The following RAD51B variants were observed in gnomAD, a reference collection of about 807,000 sequenced individuals.
The protein encoded by RAD51B is DNA repair protein RAD51 homolog 2.
A neutral mutation model predicts 42.2 loss-of-function variants in RAD51B; 38 were observed. The observed-to-expected ratio is 0.90, with a 90% CI of 0.70 to 1.18. RAD51B has a LOEUF of 1.18. Among genes scored for constraint, RAD51B ranks in the 50% most tolerant of loss-of-function variants. The probability of loss-of-function intolerance (pLI) is 0.00; values close to 1 mark genes in which losing one functional copy is unlikely to be tolerated. For synonymous variants in RAD51B, 154 were observed against 145.2 expected, an observed-to-expected ratio of 1.06 and a Z score of -0.43; for missense variants, 373 against 400.7, an observed-to-expected ratio of 0.93 and a Z score of 0.59.
At chr14:68,311,456 C>T (rs1488514046) in intron 8 of RAD51B, among the ~76,000 whole-genome samples, 5 of 152,170 alleles carry the variant, frequency 3.3e-5, no homozygotes. Context: ...GTATCCTGTT[C>T]CTATTGCAAT....
intron 10 of RAD51B, among the ~76,000 whole-genome samples, chr14:68,505,079 G>A (rs1885210601): frequency 6.6e-6 from 1 of 152,192 alleles, no homozygotes; most frequent in African/African-American, 2.4e-5. Flanking sequence ...TGGGTACGAA[G>A]TTTGACAATT....
At chr14:67,921,106 T>G (rs2044308004) in intron 7 of RAD51B, among the ~76,000 whole-genome samples, 1 of 152,220 alleles carries the variant, frequency 6.6e-6, no homozygotes, top group Non-Finnish European at 1.5e-5. Context: ...TATGAATCAC[T>G]GAGAAAGTTT....
intron 7 of RAD51B, among the ~76,000 whole-genome samples, chr14:68,255,852 T>G (rs1160616422): frequency 6.6e-6 from 1 of 152,202 alleles, no homozygotes; most frequent in Non-Finnish European, 1.5e-5. Flanking sequence ...ACAGCTAATA[T>G]AAGCTGAAAA....
chr14:68,313,405 G>A (rs1299782345), intron 8 of RAD51B, among the ~76,000 whole-genome samples: 4 of 152,132 alleles, frequency 2.6e-5, no homozygotes, highest in Admixed American at 2.0e-4. Flanking sequence ...TGTTTTTAAC[G>A]GCATTTCTGT....
rs35580395 is a variant in RAD51B at position 67,941,267 on chromosome 14, C to G, written c.756+54063C>G. On this transcript the variant is annotated intron_variant, in intron 7 of 10. Transcript: ENST00000471583. ...CTTGAGAATACCCTTCTGATCCCAG[C>G]AGAGTTTGTTTTTGAGGTGGTGAAC... Among the ~76,000 whole-genome samples, 1,347 of 152,272 alleles carry G rather than the reference C, an allele frequency of 8.8e-3. 21 individuals carry two copies. Among genetic ancestry groups the G allele is most frequent in the African/African-American group, 0.031 (1,268 of 41,556 alleles).
intron 7 of RAD51B, among the ~76,000 whole-genome samples, chr14:67,953,854 A>C (rs1276527739): frequency 6.6e-6 from 1 of 152,136 alleles, no homozygotes; most frequent in African/African-American, 2.4e-5. Flanking sequence ...AAGATGTATT[A>C]AGTGTTTGAG....
chr14:68,535,633 G>A (rs773047307), intron 10 of RAD51B, among the ~76,000 whole-genome samples: 21 of 152,150 alleles, frequency 1.4e-4, no homozygotes, highest in Non-Finnish European at 2.8e-4. Context: ...AGCGCCCTCC[G>A]AAGTGCTAGG....
chr14:68,101,584 C>T (rs1379355808), intron 7 of RAD51B, among the ~76,000 whole-genome samples: 1 of 152,190 alleles, frequency 6.6e-6, no homozygotes, highest in East Asian at 1.9e-4. Context: ...CCTTTGACTC[C>T]GTGTCTCATG....
At chr14:68,463,455 T>C (rs1442618135) in intron 9 of RAD51B, among the ~76,000 whole-genome samples, 3 of 152,108 alleles carry the variant, frequency 2.0e-5, no homozygotes, top group Non-Finnish European at 4.4e-5. Context: ...GTTAGAAAAC[T>C]CATAGTGAAA....
chr14:67,902,506 G>T (rs2043645688), intron 7 of RAD51B, among the ~76,000 whole-genome samples: 1 of 152,104 alleles, frequency 6.6e-6, no homozygotes, highest in African/African-American at 2.4e-5. Flanking sequence ...AAAAGTTTTG[G>T]AATGTTTTTT....
intron 5 of RAD51B, among the ~76,000 whole-genome samples, chr14:67,883,532 A>T (rs1281378199): frequency 6.6e-6 from 1 of 152,036 alleles, no homozygotes; most frequent in Non-Finnish European, 1.5e-5. Flanking sequence ...GTGCTGTTTC[A>T]CTGGGTATCC....
Position 68,352,058 on chromosome 14 carries a change from G to A in RAD51B, c.854-59366G>A, listed in dbSNP as rs919446320. On this transcript the variant is annotated intron_variant, in intron 8 of 10. Coordinates refer to ENST00000471583, the MANE Select transcript of RAD51B (RefSeq NM_133510.4). ...GTTTGATGCACCTTTGAGATACTAAGGAGACATACCAGGAAGATATAGGTG... is the reference window on the plus strand; with the variant it reads ...GTTTGATGCACCTTTGAGATACTAAAGAGACATACCAGGAAGATATAGGTG... Among the ~76,000 whole-genome samples, 6 of 152,180 alleles carry A rather than the reference G, an allele frequency of 3.9e-5. 1 individual carries two copies. Among genetic ancestry groups the A allele is most frequent in the Admixed American group, 2.6e-4 (4 of 15,286 alleles).
At chr14:68,332,594 G>A (rs535116436) in intron 8 of RAD51B, among the ~76,000 whole-genome samples, 2 of 152,232 alleles carry the variant, frequency 1.3e-5, no homozygotes, top group South Asian at 4.1e-4. Flanking sequence ...TCTTGGGGAA[G>A]GAGCTTATAA....
intron 7 of RAD51B, chr14:68,125,345 C>G (rs577652728): frequency 6.6e-6 from 1 of 152,330 alleles, no homozygotes. Flanking sequence ...TGCCAGATGA[C>G]TGGACTCTGC....
intron 7 of RAD51B, among the ~76,000 whole-genome samples, chr14:67,940,193 C>G (rs1488161860): frequency 2.0e-5 from 3 of 147,028 alleles, no homozygotes; most frequent in African/African-American, 7.6e-5. Context: ...CGTGTCTCAG[C>G]CTCCCAAGTA....
intron 10 of RAD51B, chr14:68,540,939 C>A: frequency 1.0e-6 from 1 of 985,432 alleles, no homozygotes; most frequent in Non-Finnish European, 1.2e-6. Flanking sequence ...GCAGGGCATG[C>A]TTTCTTCACC....
chr14:68,447,011 G>A (rs1394518516), intron 9 of RAD51B, among the ~76,000 whole-genome samples: 2 of 152,186 alleles, frequency 1.3e-5, no homozygotes, highest in South Asian at 2.1e-4. Flanking sequence ...GCAGTCAGGA[G>A]TTCGAGACCA....
At chr14:68,328,143 C>CA (rs1191956056) in intron 8 of RAD51B, among the ~76,000 whole-genome samples, 1 of 152,098 alleles carries the variant, frequency 6.6e-6, no homozygotes, top group Non-Finnish European at 1.5e-5. Context: ...AAAGTCACTG[C>CA]AAAATTTTGA....
At chr14:67,955,574 T>C (rs889461476) in intron 7 of RAD51B, among the ~76,000 whole-genome samples, 10 of 152,362 alleles carry the variant, frequency 6.6e-5, no homozygotes, top group African/African-American at 2.4e-4. Flanking sequence ...GCCTAATGTG[T>C]AAAAGATGTT....
Sources: gnomAD v4.1 joint callset for allele counts (sites outside exome capture counted in the v4.1 genomes callset) on GRCh38, gnomAD v4.1.1 for gene constraint, MANE v1.5 for transcripts, NCBI Gene and HGNC (gene_info 2026-07-23, HGNC 2026-07-21) for gene names.